Variants in WWOX observed in about 807,000 individuals in gnomAD.
The protein encoded by WWOX is WW domain-containing oxidoreductase.
In WWOX, 69 loss-of-function variants were observed where a neutral mutation model predicts 46.2. The observed-to-expected ratio is 1.49, with a 90% CI of 1.23 to 1.82. The LOEUF is 1.82. Among genes scored for constraint, WWOX ranks in the 40% most tolerant of loss-of-function variants. The pLI is 0.00. For missense variants in WWOX, 919 were observed against 542.6 expected, an observed-to-expected ratio of 1.69 and a Z score of -6.89; for synonymous variants, 359 against 202.6, an observed-to-expected ratio of 1.77 and a Z score of -6.56.
intron 5 of WWOX, among the ~76,000 whole-genome samples, chr16:78,378,603 A>G (rs576084508): frequency 1.4e-4 from 22 of 152,338 alleles, no homozygotes; most frequent in Admixed American, 5.9e-4. Context: ...TGTCATGTCA[A>G]TACTGTGCTC....
intron 5 of WWOX, among the ~76,000 whole-genome samples, chr16:78,311,027 C>G (rs1450261795): frequency 1.3e-5 from 2 of 152,168 alleles, no homozygotes; most frequent in African/African-American, 4.8e-5. Flanking sequence ...ACCTAGTGCA[C>G]TGAAAGTCTG....
At chr16:78,770,739 G>T (rs1373581847) in intron 8 of WWOX, among the ~76,000 whole-genome samples, 1 of 151,126 alleles carries the variant, frequency 6.6e-6, no homozygotes, top group Non-Finnish European at 1.5e-5. Context: ...CTGCGCCAGT[G>T]TCCCTGCAGC....
At chr16:78,474,964 A>G (rs2084320008) in intron 8 of WWOX, among the ~76,000 whole-genome samples, 1 of 152,186 alleles carries the variant, frequency 6.6e-6, no homozygotes, top group Admixed American at 6.5e-5. Context: ...GTACAAAAAT[A>G]TTTAATTTAT....
chr16:78,626,989 T>A (rs1157347918), intron 8 of WWOX, among the ~76,000 whole-genome samples: 1 of 152,178 alleles, frequency 6.6e-6, no homozygotes, highest in Non-Finnish European at 1.5e-5. Context: ...GTTTTTATCT[T>A]TGGTTTTGTT....
chr16:79,070,294 G>C (rs1395605162), intron 8 of WWOX, among the ~76,000 whole-genome samples: 1 of 151,916 alleles, frequency 6.6e-6, no homozygotes, highest in African/African-American at 2.4e-5. Flanking sequence ...GTGTGTGTGT[G>C]TGTGTGTGTG....
rs867488072 is a variant in WWOX at position 78,329,097 on chromosome 16, A to G, written c.517-57763A>G. ...GCTGGTCTTGGATTCCTGATCTCACATGATTCACCAACCTTGGCCTCCCAA... is the reference window on the plus strand; with the variant it reads ...GCTGGTCTTGGATTCCTGATCTCACGTGATTCACCAACCTTGGCCTCCCAA... On this transcript the variant is annotated intron_variant, in intron 5 of 8. Coordinates refer to ENST00000566780, the MANE Select transcript of WWOX (RefSeq NM_016373.4). 3.2e-4 allele frequency among the ~76,000 whole-genome samples: 48 copies of G among 152,052 alleles called. 1 individual carries two copies. Among genetic ancestry groups the G allele is most frequent in the Middle Eastern group, 3.2e-3 (1 of 316 alleles).
intron 8 of WWOX, among the ~76,000 whole-genome samples, chr16:79,106,440 G>C (rs1047384566): frequency 6.6e-6 from 1 of 152,068 alleles, no homozygotes; most frequent in East Asian, 1.9e-4. Context: ...AAGATTGAGG[G>C]ATTCTGGGAT....
intron 8 of WWOX, among the ~76,000 whole-genome samples, chr16:78,446,406 G>C (rs556672981): frequency 1.3e-5 from 2 of 152,258 alleles, no homozygotes; most frequent in African/African-American, 2.4e-5. Flanking sequence ...TTTGACACGA[G>C]ATGTTGCCTG....
rs2151926043 is a variant in WWOX at position 78,376,679 on chromosome 16, G to A, written c.517-10181G>A. Among the ~76,000 whole-genome samples, 2 of 152,184 alleles carry A rather than the reference G, an allele frequency of 1.3e-5. 1 individual carries two copies. The highest frequency in any genetic ancestry group is 4.2e-4 in the South Asian group (2 of 4,810). ...ATATTGAGTAGCATCCCTGACCTCT[G>A]CCCCCTGGATGCCAGTTCACTTTCC... is the stretch of plus-strand genomic sequence containing the variant. On this transcript the variant is annotated intron_variant, in intron 5 of 8. Transcript: ENST00000566780.
intron 5 of WWOX, among the ~76,000 whole-genome samples, chr16:78,351,915 C>G (rs1300344060): frequency 6.6e-6 from 1 of 152,182 alleles, no homozygotes; most frequent in Non-Finnish European, 1.5e-5. Context: ...CCTCAGCCTC[C>G]CAAAGTGCTG....
At chr16:78,971,481 GAT>G (rs2046469587) in intron 8 of WWOX, among the ~76,000 whole-genome samples, 2 of 147,454 alleles carry the variant, frequency 1.4e-5, no homozygotes, top group South Asian at 2.2e-4. Context: ...AAAAGAGAGA[GAT>G]AGGCTGTTTA....
chr16:78,121,666 G>T (rs1197456549), intron 4 of WWOX, among the ~76,000 whole-genome samples: 3 of 145,170 alleles, frequency 2.1e-5, no homozygotes, highest in Non-Finnish European at 3.0e-5. Context: ...TGGTGTTTCA[G>T]TTTTTTTTTT....
At chr16:78,855,549 TC>T (rs982090577) in intron 8 of WWOX, among the ~76,000 whole-genome samples, 2 of 152,174 alleles carry the variant, frequency 1.3e-5, no homozygotes, top group African/African-American at 4.8e-5. Flanking sequence ...CAATAAAATT[TC>T]CCCAAGCACT....
At chr16:78,982,947 T>C (rs1202168662) in intron 8 of WWOX, among the ~76,000 whole-genome samples, 1 of 152,194 alleles carries the variant, frequency 6.6e-6, no homozygotes, top group African/African-American at 2.4e-5. Context: ...AGATTGCATA[T>C]AAAACTGTTT....
chr16:79,039,106 A>T (rs1234055255), intron 8 of WWOX, among the ~76,000 whole-genome samples: 1 of 152,202 alleles, frequency 6.6e-6, no homozygotes, highest in African/African-American at 2.4e-5. Flanking sequence ...GCATTAAAAA[A>T]AATTAAAGAA....
At chr16:78,943,778 T>A (rs1302662674) in intron 8 of WWOX, among the ~76,000 whole-genome samples, 1 of 152,154 alleles carries the variant, frequency 6.6e-6, no homozygotes, top group East Asian at 1.9e-4. Context: ...GATCCCACAA[T>A]TTGAAGGGGA....
At chr16:78,791,785 C>T (rs781017860) in intron 8 of WWOX, among the ~76,000 whole-genome samples, 10 of 151,950 alleles carry the variant, frequency 6.6e-5, no homozygotes, top group African/African-American at 1.7e-4. Flanking sequence ...AAGGCTGAGG[C>T]GGGAGAATCA....
chr16:78,811,242 G>A lies in WWOX; in HGVS notation c.1056+378490G>A, dbSNP rs74031926. 2.3e-3 allele frequency among the ~76,000 whole-genome samples: 343 copies of A among 152,222 alleles called. 1 individual carries two copies. Among genetic ancestry groups the A allele is most frequent in the Middle Eastern group, 0.014 (4 of 294 alleles). On this transcript the variant is annotated intron_variant, in intron 8 of 8. Transcript: ENST00000566780. ...ATACACATGGTCACTCACATACATA[G>A]GTGTATTATTCTGCAATTGCTGAGT...
chr16:78,225,958 A>G (rs2037040369), intron 5 of WWOX, among the ~76,000 whole-genome samples: 2 of 152,198 alleles, frequency 1.3e-5, no homozygotes, highest in African/African-American at 4.8e-5. Context: ...AAATAGTTCT[A>G]GTACTAATTG....
Sources: allele counts gnomAD v4.1 joint callset (sites outside exome capture counted in the v4.1 genomes callset), GRCh38; gene constraint gnomAD v4.1.1; transcripts MANE v1.5; gene names NCBI Gene and HGNC (gene_info 2026-07-23, HGNC 2026-07-21).